The following LEP variants were observed in gnomAD, a reference collection of about 807,000 sequenced individuals.
LEP encodes the protein leptin, also known as leptin (murine obesity homolog).
LEP carries 6 observed loss-of-function variants against 9.8 expected under a neutral mutation model. The ratio of observed to expected loss-of-function variants is 0.61; its 90% CI spans 0.34 to 1.21. The LOEUF is 1.21. Ranked by LOEUF, LEP falls within the 50% of genes most tolerant of loss-of-function variation. The pLI is 0.04. For synonymous variants in LEP, 112 were observed against 81.7 expected, an observed-to-expected ratio of 1.37 and a Z score of -2.00; for missense variants, 134 against 198.1, an observed-to-expected ratio of 0.68 and a Z score of 1.94.
At chr7:128,253,270 C>T (rs1273250899) in intron 2 of LEP, among the ~76,000 whole-genome samples, 5 of 152,136 alleles carry the variant, frequency 3.3e-5, no homozygotes, top group African/African-American at 7.2e-5. Context: ...CCCAAAAGAG[C>T]GAGTCTACCC....
Position 128,246,871 on chromosome 7 carries a change from T to A in LEP, c.-28-5120T>A, listed in dbSNP as rs1397550087. Among the ~76,000 whole-genome samples the A allele has an allele frequency of 2.0e-5, 3 of 152,086 alleles. No homozygotes were observed. In the East Asian group the frequency reaches 5.8e-4, roughly 29 times the overall value. ...AGAAGATGGGGCAGCCAGGCCTTGA[T>A]TAAAGGAGAAGGAAGGCAGCCTGTG... On this transcript the variant is annotated intron_variant, in intron 1 of 2. Transcript: ENST00000308868.
rs111365240 is a variant in LEP, at chr7:128,255,448, A to G, written c.*685A>G. On this transcript the variant is annotated 3_prime_UTR_variant, in exon 3 of 3. Coordinates refer to ENST00000308868, the MANE Select transcript of LEP (RefSeq NM_000230.3). The stretch of plus-strand genomic sequence containing the variant: ...CAAGAGCTGGCAAAGGTGGCTCTCC[A>G]GTTAGTTCTCTCGTAACTGGTTTCA... 3.4e-3 allele frequency: 526 copies of G among 153,464 alleles called. 6 individuals carry two copies. The highest frequency in any genetic ancestry group is 0.01 in the African/African-American group (434 of 41,564). The allele number at this position is 153,464 out of a possible 1,614,324, so 9.5% of individuals were successfully genotyped here.
At chr7:128,242,652 T>G (rs1795165069) in intron 1 of LEP, among the ~76,000 whole-genome samples, 1 of 152,180 alleles carries the variant, frequency 6.6e-6, no homozygotes, top group African/African-American at 2.4e-5. Context: ...CCTCATATTT[T>G]GTACATTTTA....
Position 128,256,701 on chromosome 7 carries a change from C to T in LEP, c.*1938C>T, listed in dbSNP as rs1445253177. ...CTATTATAGCCACATCCCTTTGAAA[C>T]AAGATAACTGAGAATTTAAAAATAA... On this transcript the variant is annotated 3_prime_UTR_variant, in exon 3 of 3. Coordinates refer to ENST00000308868, the MANE Select transcript of LEP (RefSeq NM_000230.3). 1 of 152,178 alleles carries T rather than the reference C, an allele frequency of 6.6e-6. No homozygotes were observed. Among genetic ancestry groups the T allele is most frequent in the Non-Finnish European group, 1.5e-5 (1 of 68,046 alleles). The allele number at this position is 152,178 out of a possible 1,614,324, so 9.4% of individuals were successfully genotyped here.
In LEP at chr7:128,254,661, C is replaced by T. The variant is rs372892330; in HGVS notation, c.402C>T (p.Val134=). 2 of 1,613,974 alleles carry T rather than the reference C, an allele frequency of 1.2e-6. No homozygotes were observed. Among genetic ancestry groups the T allele is most frequent in the Admixed American group, 1.7e-5 (1 of 60,008 alleles). Residue 134 remains valine, a synonymous_variant, in exon 3 of 3, where the codon GTC becomes GTT. Coordinates refer to ENST00000308868, the MANE Select transcript of LEP (RefSeq NM_000230.3). ...GLETLDSLGG[V]LEASGYSTEV... Reference sequence around the variant, plus strand: ...AGACCTTGGACAGCCTGGGGGGTGTCCTGGAAGCTTCAGGCTACTCCACAG... The same window carrying T: ...AGACCTTGGACAGCCTGGGGGGTGTTCTGGAAGCTTCAGGCTACTCCACAG...
chr7:128,249,337 G>A (rs1055573414), intron 1 of LEP, among the ~76,000 whole-genome samples: 2 of 152,220 alleles, frequency 1.3e-5, no homozygotes, highest in Admixed American at 6.5e-5. Flanking sequence ...CTCAGGAACC[G>A]AGCTCCTGCA....
chr7:128,244,189 TC>T (rs1204828592), intron 1 of LEP, among the ~76,000 whole-genome samples: 1 of 150,424 alleles, frequency 6.6e-6, no homozygotes, highest in Non-Finnish European at 1.5e-5. Context: ...AAGTCGGGGG[TC>T]CAGTGAGCCT....
At chr7:128,252,575 T>TA (rs1020037772) in intron 2 of LEP, among the ~76,000 whole-genome samples, 1 of 143,354 alleles carries the variant, frequency 7.0e-6, no homozygotes, top group East Asian at 2.1e-4. Context: ...ACAAAAATAA[T>TA]AAAAAATGTT....
intron 1 of LEP, among the ~76,000 whole-genome samples, chr7:128,245,925 G>A (rs999549609): frequency 7.2e-5 from 11 of 152,118 alleles, no homozygotes; most frequent in South Asian, 4.1e-4. Context: ...AGCCAGGTGC[G>A]GTGGTGGGCG....
chr7:128,249,655 C>T (rs1795251960), intron 1 of LEP, among the ~76,000 whole-genome samples: 1 of 152,098 alleles, frequency 6.6e-6, no homozygotes, highest in African/African-American at 2.4e-5. Flanking sequence ...GAACGGAAGA[C>T]AAGATATTGG....
chr7:128,249,540 C>T (rs28954379), intron 1 of LEP, among the ~76,000 whole-genome samples: 15,019 of 152,208 alleles, frequency 0.099, 2,005 homozygotes, highest in African/African-American at 0.31. Flanking sequence ...CTGGCCAGAA[C>T]TTAGTCACAT....
intron 1 of LEP, among the ~76,000 whole-genome samples, chr7:128,250,931 G>C (rs1224362748): frequency 6.6e-6 from 1 of 152,022 alleles, no homozygotes; most frequent in Non-Finnish European, 1.5e-5. Context: ...TTAAAATTTT[G>C]CTGCTTAATC....
At position 128,245,867 on chromosome 7, in the gene LEP, G is replaced by A. The variant is rs111305916; in HGVS notation, c.-29+4561G>A. ...TCACGAGGTCAGGAGTTTGAGACCA[G>A]CCTGGCCAAGATGGTGAAGCCTCGT... is the stretch of plus-strand genomic sequence containing the variant. On this transcript the variant is annotated intron_variant, in intron 1 of 2. Transcript: ENST00000308868. Among the ~76,000 whole-genome samples the A allele has an allele frequency of 7.4e-3, 1,119 of 152,092 alleles. 7 individuals are homozygous for A. The highest frequency in any genetic ancestry group is 0.012 in the Non-Finnish European group (795 of 67,994).
intron 2 of LEP, among the ~76,000 whole-genome samples, chr7:128,253,330 C>G (rs1007670743): frequency 6.6e-6 from 1 of 152,198 alleles, no homozygotes; most frequent in Non-Finnish European, 1.5e-5. Flanking sequence ...TCAGTGCCCA[C>G]CCTGGTCTTT....
intron 1 of LEP, among the ~76,000 whole-genome samples, chr7:128,246,679 T>C (rs779800834): frequency 9.2e-5 from 14 of 151,808 alleles, no homozygotes; most frequent in South Asian, 2.1e-4. Context: ...CCCAGGCTGG[T>C]CTTGAACTCC....
rs28756049 is a variant in LEP, at chr7:128,246,096, A to T, written c.-29+4790A>T. On this transcript the variant is annotated intron_variant, in intron 1 of 2. Transcript: ENST00000308868. ...AAAAAAAATAAAAAAATAAAAAAAT[A>T]AAAAAAATAAAGAGGAGCACACATC... is the stretch of plus-strand genomic sequence containing the variant. Among the ~76,000 whole-genome samples, 940 of 151,908 alleles carry T rather than the reference A, an allele frequency of 6.2e-3. 13 individuals carry two copies. Among genetic ancestry groups the T allele is most frequent in the African/African-American group, 0.021 (873 of 41,392 alleles).
chr7:128,245,128 C>T (rs183408270), intron 1 of LEP, among the ~76,000 whole-genome samples: 21 of 152,158 alleles, frequency 1.4e-4, no homozygotes, highest in East Asian at 3.9e-4. Context: ...GACTTAAGCC[C>T]GCAAAATTTT....
At chr7:128,251,386 C>T (rs879207532) in intron 1 of LEP, among the ~76,000 whole-genome samples, 41 of 152,072 alleles carry the variant, frequency 2.7e-4, no homozygotes, top group Admixed American at 2.6e-3. Context: ...AGAGAAAGGA[C>T]GTAAGGAAGC....
At chr7:128,251,952 T>C in intron 1 of LEP, 39 bp from the exon 2 acceptor site, 3 of 1,533,802 alleles carry the variant, frequency 2.0e-6, no homozygotes, top group Non-Finnish European at 2.7e-6. Context: ...TATTCTGAGA[T>C]ACCGGCTCCT....
Sources: gnomAD v4.1 joint callset for allele counts (sites outside exome capture counted in the v4.1 genomes callset) on GRCh38, gnomAD v4.1.1 for gene constraint, MANE v1.5 for transcripts, NCBI Gene and HGNC (gene_info 2026-07-23, HGNC 2026-07-21) for gene names.